The following FHOD3 variants were observed in gnomAD, a reference collection of about 807,000 sequenced individuals.
FHOD3 encodes the protein formin homology 2 domain containing 3, also known as FH1/FH2 domain-containing protein 3.
Under a neutral mutation model 173.0 loss-of-function variants are expected in FHOD3, and 90 were observed. That is an observed-to-expected ratio of 0.52 (90% CI 0.44 to 0.62). The LOEUF (loss-of-function observed/expected upper bound fraction) is 0.62. FHOD3 is among the 20% of genes least tolerant of loss of function. FHOD3 has a pLI of 0.00. For missense variants in FHOD3, 1,945 were observed against 2,034.7 expected (o/e 0.96, Z 0.85); for synonymous variants, 828 against 823.0 (o/e 1.01, Z -0.10).
At chr18:36,304,466 A>G (rs1161171628) in intron 1 of FHOD3, among the ~76,000 whole-genome samples, 4 of 152,224 alleles carry the variant, frequency 2.6e-5, no homozygotes, top group African/African-American at 4.8e-5. Context: ...TACAATTCCA[A>G]TAGTCCCCTT....
intron 1 of FHOD3, among the ~76,000 whole-genome samples, chr18:36,330,542 G>C (rs2044934291): frequency 6.6e-6 from 1 of 152,180 alleles, no homozygotes; most frequent in East Asian, 1.9e-4. Flanking sequence ...TGCCGGAATG[G>C]GTAGCTCCTT....
chr18:36,547,142 G>T (rs900460926), intron 5 of FHOD3, among the ~76,000 whole-genome samples: 3 of 152,156 alleles, frequency 2.0e-5, no homozygotes, highest in Non-Finnish European at 4.4e-5. Context: ...CTCCTGAGTG[G>T]CATCCTTGTG....
chr18:36,454,348 CAGAAGCACACACATGAGCGCATAT>C (rs1416699532), intron 3 of FHOD3, among the ~76,000 whole-genome samples: 13 of 151,996 alleles, frequency 8.6e-5, no homozygotes, highest in African/African-American at 3.1e-4. Flanking sequence ...TGAGCGCACA[CAGAAGCACACACATGAGCGCATAT>C]AGGAGCACAC....
At chr18:36,303,035 C>G (rs776153438) in intron 1 of FHOD3, among the ~76,000 whole-genome samples, 80 of 152,174 alleles carry the variant, frequency 5.3e-4, no homozygotes, top group Non-Finnish European at 1.0e-3. Flanking sequence ...TTGCAACGAT[C>G]TGGGTTGGAA....
intron 5 of FHOD3, among the ~76,000 whole-genome samples, chr18:36,570,204 G>A (rs896283077): frequency 6.6e-6 from 1 of 151,686 alleles, no homozygotes; most frequent in African/African-American, 2.4e-5. Flanking sequence ...GAATGAAAGG[G>A]GATTAAACTT....
intron 17 of FHOD3, among the ~76,000 whole-genome samples, chr18:36,695,450 A>G (rs1262183385): frequency 6.6e-6 from 1 of 152,176 alleles, no homozygotes; most frequent in Non-Finnish European, 1.5e-5. Context: ...TACACAATAA[A>G]TGATACCTGC....
At chr18:36,551,394 A>G (rs917473068) in intron 5 of FHOD3, among the ~76,000 whole-genome samples, 1 of 152,028 alleles carries the variant, frequency 6.6e-6, no homozygotes, top group Non-Finnish European at 1.5e-5. Flanking sequence ...GAGTTGGGAA[A>G]TATTTGCCCC....
In FHOD3 at chr18:36,328,622, C is replaced by G. The variant is rs185678027; in HGVS notation, c.166-26917C>G. Among the ~76,000 whole-genome samples, 9 of 152,158 alleles carry G rather than the reference C, an allele frequency of 5.9e-5. No homozygotes were observed. In the East Asian group the frequency reaches 1.2e-3, roughly 20 times the overall value. ...CCCTCTGGCTGTTGGGTGGAGAGAG[C>G]CTGTAGGGTGATTAGGGGTGGCTTC... On this transcript the variant is annotated intron_variant, in intron 1 of 28. Transcript: ENST00000590592.
intron 3 of FHOD3, among the ~76,000 whole-genome samples, chr18:36,390,753 C>G (rs1320820587): frequency 6.6e-6 from 1 of 152,172 alleles, no homozygotes; most frequent in Non-Finnish European, 1.5e-5. Context: ...CAGACCCACA[C>G]TTAACACATG....
At chr18:36,313,089 G>A (rs2092294718) in intron 1 of FHOD3, among the ~76,000 whole-genome samples, 1 of 152,164 alleles carries the variant, frequency 6.6e-6, no homozygotes, top group Non-Finnish European at 1.5e-5. Context: ...TGTCCTCAGG[G>A]TAGGTGGACT....
intron 1 of FHOD3, among the ~76,000 whole-genome samples, chr18:36,344,661 A>G (rs1352527132): frequency 6.6e-6 from 1 of 152,208 alleles, no homozygotes; most frequent in African/African-American, 2.4e-5. Flanking sequence ...AAACTAGAAC[A>G]TGCAGATTAA....
chr18:36,437,159 C>G (rs764239228), intron 3 of FHOD3, among the ~76,000 whole-genome samples: 4 of 152,092 alleles, frequency 2.6e-5, no homozygotes, highest in Non-Finnish European at 5.9e-5. Context: ...CACTCTGTCA[C>G]CAGGCTGGAG....
At chr18:36,368,700 T>C (rs1458620230) in intron 2 of FHOD3, among the ~76,000 whole-genome samples, 1 of 152,176 alleles carries the variant, frequency 6.6e-6, no homozygotes, top group Non-Finnish European at 1.5e-5. Flanking sequence ...CTCACAGTTC[T>C]GCATGGCTGG....
intron 6 of FHOD3, among the ~76,000 whole-genome samples, chr18:36,578,303 AAG>A (rs2058729561): frequency 6.6e-6 from 1 of 152,204 alleles, no homozygotes; most frequent in African/African-American, 2.4e-5. Flanking sequence ...GGTGGCAGGC[AAG>A]AGAGTGTGTG....
chr18:36,325,967 AT>A, intron 1 of FHOD3, among the ~76,000 whole-genome samples: 1 of 152,198 alleles, frequency 6.6e-6, no homozygotes, highest in East Asian at 1.9e-4. Context: ...AGAAAACCTC[AT>A]TTGGTTTAAC....
intron 3 of FHOD3, among the ~76,000 whole-genome samples, chr18:36,467,824 C>T (rs1053091185): frequency 2.6e-5 from 4 of 152,214 alleles, no homozygotes; most frequent in Non-Finnish European, 2.9e-5. Flanking sequence ...ATTCAACCCT[C>T]GACATGAATG....
At chr18:36,412,467 T>C (rs1258640207) in intron 3 of FHOD3, among the ~76,000 whole-genome samples, 1 of 152,212 alleles carries the variant, frequency 6.6e-6, no homozygotes, top group Non-Finnish European at 1.5e-5. Context: ...ATCAGGGTGA[T>C]TGACAAGTGA....
chr18:36,536,248 C>T (rs1391653065), intron 5 of FHOD3, among the ~76,000 whole-genome samples: 1 of 152,198 alleles, frequency 6.6e-6, no homozygotes, highest in Admixed American at 6.5e-5. Context: ...TTCATCCCTC[C>T]TCCCCATGGA....
chr18:36,714,155 T>C (rs2040324657), intron 18 of FHOD3, among the ~76,000 whole-genome samples: 1 of 152,166 alleles, frequency 6.6e-6, no homozygotes, highest in African/African-American at 2.4e-5. Context: ...CAAAGGAAAT[T>C]ACTAAGGACA....
Sources: allele counts gnomAD v4.1 joint callset (sites outside exome capture counted in the v4.1 genomes callset), GRCh38; gene constraint gnomAD v4.1.1; transcripts MANE v1.5; gene names NCBI Gene and HGNC (gene_info 2026-07-23, HGNC 2026-07-21).